RANBP2: variants seen among roughly 807,000 people sequenced by gnomAD.
RANBP2 encodes the protein E3 SUMO-protein ligase RanBP2.
In RANBP2, 57 loss-of-function variants were observed where a neutral mutation model predicts 303.6. The observed-to-expected ratio is 0.19, with a 90% CI of 0.15 to 0.23. The LOEUF is 0.23. RANBP2 is among the 10% of genes least tolerant of loss of function. The pLI is 1.00. For synonymous variants in RANBP2, 1,167 were observed against 1,301.5 expected (o/e 0.90, Z 2.23); for missense variants, 3,138 against 3,780.8 (o/e 0.83, Z 4.46).
chr2:109,293,477 C>T, the RANBP2 span, among the ~76,000 whole-genome samples: 2 of 152,316 alleles, frequency 1.3e-5, 1 homozygote, highest in Non-Finnish European at 2.9e-5. Context: ...TACCCTGCCC[C>T]CTTCTCTCTC....
At chr2:109,480,785 C>T in the RANBP2 span, among the ~76,000 whole-genome samples, 1 of 152,186 alleles carries the variant, frequency 6.6e-6, no homozygotes, top group Non-Finnish European at 1.5e-5. Context: ...GGCACAGGGA[C>T]CTGGGACATT....
the RANBP2 span, among the ~76,000 whole-genome samples, chr2:109,188,163 C>T: frequency 6.6e-6 from 1 of 152,368 alleles, no homozygotes; most frequent in East Asian, 1.9e-4. Flanking sequence ...AGTGTATTGA[C>T]TTCCCAAGAA....
the RANBP2 span, among the ~76,000 whole-genome samples, chr2:109,494,328 C>CA: frequency 1.3e-5 from 2 of 152,164 alleles, no homozygotes. Context: ...CTGTAGCACT[C>CA]ATTAAAGAGA....
At chr2:109,703,542 C>A in the RANBP2 span, among the ~76,000 whole-genome samples, 1 of 152,232 alleles carries the variant, frequency 6.6e-6, no homozygotes, top group East Asian at 1.9e-4. Flanking sequence ...AGTTCTCCTG[C>A]CTCATCCTTC....
chr2:108,726,750 C>T (rs1248249977), intron 1 of RANBP2, among the ~76,000 whole-genome samples: 4 of 151,602 alleles, frequency 2.6e-5, no homozygotes, highest in Non-Finnish European at 5.9e-5. Flanking sequence ...GAACAAAGGT[C>T]TCTGGTTTTC....
the RANBP2 span, among the ~76,000 whole-genome samples, chr2:109,583,147 C>G: frequency 6.6e-6 from 1 of 152,112 alleles, no homozygotes; most frequent in Non-Finnish European, 1.5e-5. Flanking sequence ...TCCTGAAAAG[C>G]AAATGCAACA....
chr2:108,815,814 T>G, the RANBP2 span: 1 of 772,070 alleles, frequency 1.3e-6, no homozygotes, highest in Non-Finnish European at 2.0e-6. Flanking sequence ...GGAGAAGCTC[T>G]GTCCTTAACA....
the RANBP2 span, chr2:109,128,954 T>A: frequency 2.4e-6 from 1 of 411,138 alleles, no homozygotes. Flanking sequence ...AGCCCCGCAG[T>A]GACCGTGACC....
the RANBP2 span, among the ~76,000 whole-genome samples, chr2:109,268,472 C>T: frequency 6.6e-6 from 1 of 152,122 alleles, no homozygotes; most frequent in African/African-American, 2.4e-5. Flanking sequence ...TGCAGCAGCT[C>T]CTTTCTCCCC....
chr2:109,664,035 G>C, the RANBP2 span, among the ~76,000 whole-genome samples: 1 of 152,136 alleles, frequency 6.6e-6, no homozygotes, highest in Non-Finnish European at 1.5e-5. Flanking sequence ...CTTCTTCTGG[G>C]ATACTTCCAA....
At chr2:109,051,905 T>C in the RANBP2 span, among the ~76,000 whole-genome samples, 4 of 152,004 alleles carry the variant, frequency 2.6e-5, no homozygotes, top group African/African-American at 4.8e-5. Flanking sequence ...CCCACCACCA[T>C]GCCCAGCTAA....
At chr2:108,846,072 G>T in the RANBP2 span, among the ~76,000 whole-genome samples, 1 of 152,060 alleles carries the variant, frequency 6.6e-6, no homozygotes, top group Non-Finnish European at 1.5e-5. Flanking sequence ...ATCAGAGTTA[G>T]CTGAAGGGAC....
intron 4 of RANBP2, among the ~76,000 whole-genome samples, chr2:108,732,536 C>A (rs557511993): frequency 3.9e-5 from 6 of 152,298 alleles, no homozygotes; most frequent in African/African-American, 1.2e-4. Flanking sequence ...ACCTGTTTAA[C>A]CCGACCAAAG....
At chr2:108,748,303 G>A (rs1675540108) in intron 8 of RANBP2, among the ~76,000 whole-genome samples, 1 of 151,398 alleles carries the variant, frequency 6.6e-6, no homozygotes, top group African/African-American at 2.4e-5. Context: ...CACCTCCTGG[G>A]TTCATGCCAT....
the RANBP2 span, among the ~76,000 whole-genome samples, chr2:109,255,831 C>A: frequency 6.6e-6 from 1 of 152,164 alleles, no homozygotes; most frequent in African/African-American, 2.4e-5. Context: ...TTTTAATAGG[C>A]CGAGTTTTCA....
the RANBP2 span, among the ~76,000 whole-genome samples, chr2:109,021,249 C>T: frequency 1.9e-4 from 29 of 152,254 alleles, no homozygotes; most frequent in East Asian, 1.4e-3. Flanking sequence ...AGCCATCGGG[C>T]GCGGTGGCTC....
At chr2:109,227,977 G>A in the RANBP2 span, among the ~76,000 whole-genome samples, 1 of 152,202 alleles carries the variant, frequency 6.6e-6, no homozygotes, top group South Asian at 2.1e-4. Flanking sequence ...AGGGGCATGG[G>A]ATTTACATTT....
chr2:109,484,049 T>G, the RANBP2 span, among the ~76,000 whole-genome samples: 1 of 147,072 alleles, frequency 6.8e-6, no homozygotes, highest in African/African-American at 2.5e-5. Context: ...CACCAAGGTG[T>G]GCCATCCTCT....
chr2:109,375,350 C>T, the RANBP2 span, among the ~76,000 whole-genome samples: 1 of 152,254 alleles, frequency 6.6e-6, no homozygotes, highest in Non-Finnish European at 1.5e-5. Context: ...GGACCCAGGG[C>T]ACGTCTCCCT....
Sources: gnomAD v4.1 joint callset for allele counts (sites outside exome capture counted in the v4.1 genomes callset) on GRCh38, gnomAD v4.1.1 for gene constraint, MANE v1.5 for transcripts, NCBI Gene and HGNC (gene_info 2026-07-23, HGNC 2026-07-21) for gene names.